The following CPEB3 variants were observed in gnomAD, a reference collection of about 807,000 sequenced individuals.
The protein encoded by CPEB3 is cytoplasmic polyadenylation element-binding protein 3.
In CPEB3, 20 loss-of-function variants were observed where a neutral mutation model predicts 67.2. That is an observed-to-expected ratio of 0.30 (90% CI 0.21 to 0.43). CPEB3 has a LOEUF of 0.43. Among genes scored for constraint, CPEB3 ranks in the 20% least tolerant of loss-of-function variants. The pLI is 1.00. For missense variants in CPEB3, 746 were observed against 968.6 expected (o/e 0.77, Z 3.05); for synonymous variants, 376 against 393.1 (o/e 0.96, Z 0.51).
intron 3 of CPEB3, among the ~76,000 whole-genome samples, chr10:92,188,195 C>CA (rs887495960): frequency 4.6e-5 from 7 of 151,294 alleles, no homozygotes; most frequent in Admixed American, 2.6e-4. Context: ...GAACCTGTCT[C>CA]AAAAAATAAA....
chr10:92,270,703 C>T (rs1204632782), intron 1 of CPEB3, among the ~76,000 whole-genome samples: 1 of 150,844 alleles, frequency 6.6e-6, no homozygotes, highest in Non-Finnish European at 1.5e-5. Flanking sequence ...GCTGGGACTA[C>T]AAGTGCGCAC....
chr10:92,206,745 T>C (rs190248079), intron 2 of CPEB3, among the ~76,000 whole-genome samples: 12 of 152,346 alleles, frequency 7.9e-5, no homozygotes, highest in Admixed American at 5.9e-4. Flanking sequence ...TTAAAGGTCA[T>C]ACTTTAATTA....
chr10:92,265,884 G>C (rs1306325636), intron 1 of CPEB3, among the ~76,000 whole-genome samples: 1 of 151,486 alleles, frequency 6.6e-6, no homozygotes, highest in African/African-American at 2.4e-5. Flanking sequence ...GTGTGGCAGT[G>C]TTGAGAGGTG....
intron 4 of CPEB3, among the ~76,000 whole-genome samples, chr10:92,156,479 G>C (rs965029899): frequency 1.2e-4 from 18 of 152,020 alleles, no homozygotes; most frequent in African/African-American, 4.3e-4. Context: ...GAAGGACAAG[G>C]CCTGAGAAAA....
At chr10:92,155,737 A>T (rs1464650812) in intron 4 of CPEB3, among the ~76,000 whole-genome samples, 1 of 152,178 alleles carries the variant, frequency 6.6e-6, no homozygotes, top group East Asian at 1.9e-4. Context: ...GCAGACCAAG[A>T]GCAGGGACCA....
At chr10:92,105,544 A>C (rs907055576) in intron 7 of CPEB3, among the ~76,000 whole-genome samples, 5 of 152,162 alleles carry the variant, frequency 3.3e-5, no homozygotes, top group Admixed American at 1.3e-4. Flanking sequence ...AATTCAAATG[A>C]CACTTCATCC....
chr10:92,291,232 G>C, upstream of CPEB3: 1 of 534,010 alleles, frequency 1.9e-6, no homozygotes, highest in Non-Finnish European at 3.3e-6. Context: ...CCGGAACCTC[G>C]GGCCGACGGA....
At chr10:92,092,579 A>G (rs1255197639) in intron 7 of CPEB3, among the ~76,000 whole-genome samples, 1 of 152,184 alleles carries the variant, frequency 6.6e-6, no homozygotes, top group Admixed American at 6.5e-5. Context: ...CAGGAGTTCG[A>G]GATCAGCCTG....
chr10:92,224,930 A>G (rs1172629916), intron 2 of CPEB3, among the ~76,000 whole-genome samples: 3 of 147,612 alleles, frequency 2.0e-5, no homozygotes, highest in Non-Finnish European at 4.5e-5. Flanking sequence ...TAATTTACAT[A>G]TTATATATAA....
chr10:92,049,414 ATTT>A lies in CPEB3; in HGVS notation c.*2795_*2797del, dbSNP rs1181656526. The A allele has an allele frequency of 3.9e-5, 6 of 152,468 alleles. No homozygotes were observed. The highest frequency in any genetic ancestry group is 3.9e-4 in the Admixed American group (6 of 15,272). The allele number at this position is 152,468 out of a possible 1,614,324, so 9.4% of individuals were successfully genotyped here. On this transcript the variant is annotated 3_prime_UTR_variant, in exon 10 of 10. Transcript: ENST00000265997. ...GAACACCTCTGTGTTTTAAAAAATA[ATTT>A]TTTTGAAGGACCCTCTCTTTTAATA...
In CPEB3 at chr10:92,165,312, G is replaced by A. The variant is rs1034124387; in HGVS notation, c.1222+15651C>T. ...GGGTGACACAGCAGGACCCTATCTC[G>A]AAAAAATTAAAAATAAAATAAAAAA... On this transcript the variant is annotated intron_variant, in intron 4 of 9. Coordinates refer to ENST00000265997, the MANE Select transcript of CPEB3 (RefSeq NM_014912.5). Among the ~76,000 whole-genome samples, 12 of 149,424 alleles carry A rather than the reference G, an allele frequency of 8.0e-5. No homozygotes were observed. In the South Asian group the frequency reaches 2.1e-3, roughly 26 times the overall value.
intron 6 of CPEB3, chr10:92,118,726 C>G (rs1845167856): frequency 2.7e-6 from 2 of 742,446 alleles, no homozygotes; most frequent in African/African-American, 1.7e-5. Context: ...AGCTCTGTAT[C>G]AGAAATGCTG....
At chr10:92,183,705 T>C (rs377025841) in intron 3 of CPEB3, among the ~76,000 whole-genome samples, 2 of 152,262 alleles carry the variant, frequency 1.3e-5, no homozygotes, top group Admixed American at 6.5e-5. Context: ...GGAAATCGCA[T>C]ATATGGAGGA....
At chr10:92,093,648 G>C (rs567093049) in intron 7 of CPEB3, among the ~76,000 whole-genome samples, 192 of 151,812 alleles carry the variant, frequency 1.3e-3, no homozygotes, top group Non-Finnish European at 2.2e-3. Flanking sequence ...GATTACAGGT[G>C]CCCGCCATCA....
chr10:92,111,262 A>G, intron 6 of CPEB3, 68 bp from the exon 7 acceptor site: 1 of 1,025,946 alleles, frequency 9.7e-7, no homozygotes, highest in South Asian at 1.3e-5. Context: ...ACCAATTACA[A>G]ATTATCTGTT....
intron 9 of CPEB3, among the ~76,000 whole-genome samples, chr10:92,067,238 C>T (rs1478239782): frequency 1.3e-5 from 2 of 151,974 alleles, no homozygotes; most frequent in African/African-American, 4.8e-5. Flanking sequence ...CAGTGGCACA[C>T]GCCTGTAATC....
intron 4 of CPEB3, among the ~76,000 whole-genome samples, chr10:92,158,057 C>T (rs1045108840): frequency 3.3e-5 from 5 of 151,646 alleles, no homozygotes; most frequent in African/African-American, 9.7e-5. Flanking sequence ...ACCTCGTCTC[C>T]GCCCATAGCT....
chr10:92,104,133 G>T (rs906713213), intron 7 of CPEB3, among the ~76,000 whole-genome samples: 13 of 150,610 alleles, frequency 8.6e-5, no homozygotes, highest in Non-Finnish European at 1.6e-4. Flanking sequence ...TTTCTCAAAT[G>T]ATTTTGGCTA....
At chr10:92,252,163 T>C (rs1244514073) in intron 1 of CPEB3, among the ~76,000 whole-genome samples, 2 of 151,224 alleles carry the variant, frequency 1.3e-5, no homozygotes, top group Non-Finnish European at 2.9e-5. Context: ...GATATTCAAA[T>C]GACCAAAAAG....
Sources: gnomAD v4.1 joint callset for allele counts (sites outside exome capture counted in the v4.1 genomes callset) on GRCh38, gnomAD v4.1.1 for gene constraint, MANE v1.5 for transcripts, NCBI Gene and HGNC (gene_info 2026-07-23, HGNC 2026-07-21) for gene names.